The following GLRA2 variants were observed in gnomAD, a reference collection of about 807,000 sequenced individuals.
The protein encoded by GLRA2 is glycine receptor subunit alpha-2.
In GLRA2, 11 loss-of-function variants were observed where a neutral mutation model predicts 31.6. That is an observed-to-expected ratio of 0.35 (90% confidence interval 0.22 to 0.58). The LOEUF (loss-of-function observed/expected upper bound fraction) is 0.58. GLRA2 is among the 20% of genes least tolerant of loss of function. GLRA2 has a pLI of 0.84. For synonymous variants in GLRA2, 132 were observed against 134.0 expected (o/e 0.99, Z 0.10); for missense variants, 212 against 351.8 (o/e 0.60, Z 3.18).
intron 8 of GLRA2, among the ~76,000 whole-genome samples, chrX:14,714,869 A>C (rs1284736449): frequency 8.9e-6 from 1 of 112,241 alleles, no homozygotes; most frequent in Non-Finnish European, 1.9e-5. Context: ...CTATAGATTT[A>C]CAGGGATTTT....
At chrX:14,516,234 A>G in the GLRA2 span, among the ~76,000 whole-genome samples, 7 of 111,291 alleles carry the variant, frequency 6.3e-5, no homozygotes, top group Admixed American at 4.8e-4. Flanking sequence ...ACCAATGTGC[A>G]TTAAAACTAA....
At chrX:14,659,879 T>C (rs1351057145) in intron 7 of GLRA2, among the ~76,000 whole-genome samples, 1 of 112,154 alleles carries the variant, frequency 8.9e-6, no homozygotes, top group Non-Finnish European at 1.9e-5. Context: ...ATTTGTTCAA[T>C]ATGACACGCA....
chrX:14,526,600 T>A (rs774858998), upstream of GLRA2, among the ~76,000 whole-genome samples: 26 of 111,234 alleles, frequency 2.3e-4, no homozygotes, highest in Non-Finnish European at 4.5e-4. Flanking sequence ...CTAGATATAG[T>A]GGATGATGGA....
At chrX:14,670,649 C>T (rs971210368) in intron 7 of GLRA2, among the ~76,000 whole-genome samples, 1 of 110,987 alleles carries the variant, frequency 9.0e-6, no homozygotes, top group Non-Finnish European at 1.9e-5. Flanking sequence ...ACTATCATGA[C>T]AACAGCACGG....
At chrX:14,588,567 G>GT (rs762900697) in intron 4 of GLRA2, among the ~76,000 whole-genome samples, 29 of 111,285 alleles carry the variant, frequency 2.6e-4, no homozygotes, top group Admixed American at 1.6e-3. Flanking sequence ...TATCTGGGCT[G>GT]TTTTTTGGTT....
At chrX:14,590,320 G>A (rs972461536) in intron 4 of GLRA2, among the ~76,000 whole-genome samples, 3 of 110,897 alleles carry the variant, frequency 2.7e-5, no homozygotes, top group Non-Finnish European at 5.7e-5. Context: ...AGTAGGTATA[G>A]TGCAGATTTC....
intron 8 of GLRA2, among the ~76,000 whole-genome samples, chrX:14,709,569 A>G (rs779868017): frequency 8.9e-6 from 1 of 112,242 alleles, no homozygotes; most frequent in Non-Finnish European, 1.9e-5. Context: ...TTCCAGCAAG[A>G]GTTGCGTATA....
At chrX:14,674,515 T>TAA (rs2091124250) in intron 7 of GLRA2, among the ~76,000 whole-genome samples, 1 of 111,228 alleles carries the variant, frequency 9.0e-6, no homozygotes, top group Non-Finnish European at 1.9e-5. Flanking sequence ...AGTGTTAAGT[T>TAA]TTATATAAAG....
chrX:14,619,934 C>T (rs1055357421), intron 7 of GLRA2, among the ~76,000 whole-genome samples: 2 of 108,778 alleles, frequency 1.8e-5, no homozygotes, highest in African/African-American at 6.7e-5. Context: ...TCACTGAGAA[C>T]TATCCATCTA....
At chrX:14,700,582 A>G (rs1178268195) in intron 8 of GLRA2, among the ~76,000 whole-genome samples, 6 of 112,001 alleles carry the variant, frequency 5.4e-5, no homozygotes, top group Non-Finnish European at 1.1e-4. Context: ...AGAAGCAGCC[A>G]TGGATTTTAG....
At chrX:14,544,425 T>A (rs1026799167) in intron 2 of GLRA2, among the ~76,000 whole-genome samples, 1 of 101,893 alleles carries the variant, frequency 9.8e-6, no homozygotes, top group Non-Finnish European at 2.2e-5. Context: ...ATCTTCTTTC[T>A]CAGGCAGCTT....
the GLRA2 span, among the ~76,000 whole-genome samples, chrX:14,502,883 CA>C: frequency 0.28 from 11,899 of 41,965 alleles, 814 homozygotes; most frequent in Middle Eastern, 0.38. Context: ...CACAAAAATG[CA>C]AAAAAAAAAA....
chrX:14,643,250 T>C (rs2090794658), intron 7 of GLRA2, among the ~76,000 whole-genome samples: 1 of 111,949 alleles, frequency 8.9e-6, no homozygotes, highest in South Asian at 3.7e-4. Context: ...AATTCAGCAT[T>C]GTGAGACACA....
intron 4 of GLRA2, among the ~76,000 whole-genome samples, chrX:14,593,164 C>T (rs992242020): frequency 3.6e-5 from 4 of 111,826 alleles, no homozygotes; most frequent in Admixed American, 9.5e-5. Context: ...AGTTCATTCT[C>T]ACAGCACATA....
chrX:14,491,484 C>A, the GLRA2 span, among the ~76,000 whole-genome samples: 1 of 111,993 alleles, frequency 8.9e-6, no homozygotes, highest in South Asian at 3.7e-4. Context: ...TTCCTTTTCC[C>A]AATCTTTTAA....
At chrX:14,703,950 C>G (rs758495891) in intron 8 of GLRA2, among the ~76,000 whole-genome samples, 1 of 111,918 alleles carries the variant, frequency 8.9e-6, no homozygotes, top group Admixed American at 9.5e-5. Context: ...AAACCTCTTG[C>G]ATGCAATCCC....
intron 7 of GLRA2, among the ~76,000 whole-genome samples, chrX:14,635,621 G>T (rs2090702302): frequency 9.0e-6 from 1 of 111,716 alleles, no homozygotes; most frequent in Admixed American, 9.5e-5. Flanking sequence ...GCCAAAAACT[G>T]TGTTACTATT....
the GLRA2 span, among the ~76,000 whole-genome samples, chrX:14,469,589 G>A: frequency 7.6e-4 from 79 of 103,960 alleles, no homozygotes; most frequent in African/African-American, 2.7e-3. Context: ...GTAAACTATC[G>A]CAAGAACAAA....
At chrX:14,480,539 TG>T in the GLRA2 span, among the ~76,000 whole-genome samples, 12 of 111,996 alleles carry the variant, frequency 1.1e-4, no homozygotes, top group African/African-American at 3.6e-4. Context: ...TTTTTATATC[TG>T]GTGAAAGTAG....
Sources: allele counts gnomAD v4.1 joint callset (sites outside exome capture counted in the v4.1 genomes callset), GRCh38; gene constraint gnomAD v4.1.1; transcripts MANE v1.5; gene names NCBI Gene and HGNC (gene_info 2026-07-23, HGNC 2026-07-21).